Variants in CPNE7 observed in about 807,000 individuals in gnomAD.
The protein encoded by CPNE7 is copine 7.
CPNE7 carries 78 observed loss-of-function variants against 66.5 expected under a neutral mutation model. The observed-to-expected ratio is 1.17, with a 90% confidence interval of 0.98 to 1.42. The LOEUF (loss-of-function observed/expected upper bound fraction) is 1.42, where lower values mean the gene tolerates loss of function less well. Among genes scored for constraint, CPNE7 ranks in the 40% most tolerant of loss-of-function variants. The pLI is 0.00. For synonymous variants in CPNE7, 468 were observed against 336.7 expected (o/e 1.39, Z -4.27); for missense variants, 1,012 against 776.6 (o/e 1.30, Z -3.60).
chr16:89,595,213 G>A (rs557309357), intron 13 of CPNE7, among the ~76,000 whole-genome samples, 154 bp from the exon 14 acceptor site: 4 of 152,158 alleles, frequency 2.6e-5, no homozygotes, highest in Non-Finnish European at 5.9e-5. Flanking sequence ...ACTGTTGTTC[G>A]TGATGTTTGT....
At chr16:89,579,310 C>T (rs186462242) in intron 2 of CPNE7, among the ~76,000 whole-genome samples, 3 of 151,912 alleles carry the variant, frequency 2.0e-5, no homozygotes, top group East Asian at 1.9e-4. Flanking sequence ...AAAAATTTTA[C>T]GATAAAATGC....
chr16:89,595,670 C>T (rs1233984541), intron 14 of CPNE7, 67 bp downstream of exon 14: 4 of 1,368,746 alleles, frequency 2.9e-6, no homozygotes, highest in South Asian at 1.3e-5. Flanking sequence ...CTGCCCAAGA[C>T]CTTCCCAGGC....
At chr16:89,594,305 G>GGCC (rs2059218769) in intron 13 of CPNE7, 1 of 152,244 alleles carries the variant, frequency 6.6e-6, no homozygotes, top group Non-Finnish European at 1.5e-5. Flanking sequence ...GGTGCTTGTA[G>GGCC]GCCTGGACCA....
rs1196237524 is a variant in CPNE7 at position 89,584,615 on chromosome 16, G to C, written c.508-159G>C. On this transcript the variant is annotated intron_variant, in intron 4 of 14. Transcript: ENST00000319518. The surrounding 1 kb of genome is among the most constrained non-coding windows in gnomAD (Gnocchi z 6.0). Reference sequence around the variant, plus strand: ...GTCAGATCCCTGGGGGCGGGAGGGAGGGACGAGATGCTGTCGGCGGGGACT... The same window carrying C: ...GTCAGATCCCTGGGGGCGGGAGGGACGGACGAGATGCTGTCGGCGGGGACT... Among the ~76,000 whole-genome samples, 9 of 151,862 alleles carry C rather than the reference G, an allele frequency of 5.9e-5. No homozygotes were observed. The highest frequency in any genetic ancestry group is 2.1e-4 in the South Asian group (1 of 4,810).
Position 89,576,021 on chromosome 16 carries a change from T to A in CPNE7, c.124T>A (p.Ser42Thr). Residue 42 changes from serine to threonine, a missense_variant, in exon 1 of 15, where the codon TCC becomes ACC. Coordinates refer to ENST00000319518, the MANE Select transcript of CPNE7 (RefSeq NM_153636.3). Reference sequence around the variant, plus strand: ...GCTGGACCGCGACCCGCTCACCAAGTCCGACCCCAGCGTGGCGTTGCTGCA... The same window carrying A: ...GCTGGACCGCGACCCGCTCACCAAGACCGACCCCAGCGTGGCGTTGCTGCA... ...HLLDRDPLTK[S>T]DPSVALLQQA... is the part of the protein sequence containing the mutation. 7.4e-7 allele frequency: 1 copy of A among 1,355,264 alleles called. No homozygotes were observed. Among genetic ancestry groups the A allele is most frequent in the South Asian group, 1.7e-5 (1 of 57,650 alleles). The allele number at this position is 1,355,264 out of a possible 1,614,324, so 84.0% of individuals were successfully genotyped here.
chr16:89,594,956 C>T (rs1047480767), intron 13 of CPNE7, among the ~76,000 whole-genome samples: 3 of 152,114 alleles, frequency 2.0e-5, no homozygotes, highest in African/African-American at 7.2e-5. Context: ...CCGGCCAACA[C>T]TCAGTCTTGT....
rs1260030535 is a variant in CPNE7 at position 89,584,987 on chromosome 16, G to T, written c.591+130G>T. 7 of 829,212 alleles carry T rather than the reference G, an allele frequency of 8.4e-6. No homozygotes were observed. The highest frequency in any genetic ancestry group is 5.0e-5 in the African/African-American group (3 of 59,500). 51.4% of individuals were successfully genotyped at this position (829,212 alleles called of 1,614,324 possible). On this transcript the variant is annotated intron_variant, in intron 5 of 14. Coordinates refer to ENST00000319518, the MANE Select transcript of CPNE7 (RefSeq NM_153636.3). The surrounding 1 kb of genome is among the most constrained non-coding windows in gnomAD (Gnocchi z 6.0). ...TGGGCGCAGGGCTTTGGTGGCTGTGGCTATGGCCAGAATCCAACAGGGAGC... is the reference window on the plus strand; with the variant it reads ...TGGGCGCAGGGCTTTGGTGGCTGTGTCTATGGCCAGAATCCAACAGGGAGC...
rs760161077 is a variant in CPNE7, at chr16:89,583,750, C to A, written c.411C>A (p.Asn137Lys). 2 of 1,612,718 alleles carry A rather than the reference C, an allele frequency of 1.2e-6. No individual in the cohort carries two copies. The highest frequency in any genetic ancestry group is 1.1e-5 in the South Asian group (1 of 91,092). Reference protein sequence around the residue: ...TRPLLLKFGRNAGKSTITVIA... With the variant: ...TRPLLLKFGRKAGKSTITVIA... ...CGCTGCTGCTCAAGTTTGGCAGGAA[C>A]GCTGGCAAGTCCACCATCACGGTGA... The change falls in exon 3 of 15, where the codon AAC (asparagine) becomes AAA (lysine). Residue 137 changes from asparagine (N) to lysine (K), a missense_variant. Coordinates refer to ENST00000319518, the MANE Select transcript of CPNE7 (RefSeq NM_153636.3).
Position 89,584,881 on chromosome 16 carries a change from CAGGG to C in CPNE7, c.591+29_591+32del. On this transcript the variant is annotated intron_variant, in intron 5 of 14. Coordinates refer to ENST00000319518, the MANE Select transcript of CPNE7 (RefSeq NM_153636.3). This position sits in a 1 kb window ranked among gnomAD's most constrained non-coding sequence, Gnocchi z 6.0. ...AGGTGAGCGGCCGGGGATGGGAACACAGGGAGGGGAAGGGGCTGTCCCCAGCCCT... is the reference window on the plus strand; with the variant it reads ...AGGTGAGCGGCCGGGGATGGGAACACAGGGGAAGGGGCTGTCCCCAGCCCT... The C allele has an allele frequency of 6.2e-7, 1 of 1,602,354 alleles. No individual in the cohort carries two copies. Among genetic ancestry groups the C allele is most frequent in the East Asian group, 2.2e-5 (1 of 44,848 alleles).
At chr16:89,577,873 A>G in intron 2 of CPNE7, 152 bp downstream of exon 2, 1 of 644,594 alleles carries the variant, frequency 1.6e-6, no homozygotes, top group Non-Finnish European at 2.6e-6. Flanking sequence ...TCATTATTAG[A>G]TTAAAATATA....
intron 14 of CPNE7, chr16:89,596,022 C>T: frequency 4.2e-6 from 2 of 471,472 alleles, no homozygotes; most frequent in Non-Finnish European, 8.3e-6. Flanking sequence ...GCAAGACACA[C>T]ATGTCACACA....
At position 89,584,620 on chromosome 16, in the gene CPNE7, G is replaced by A. The variant is rs1014561057; in HGVS notation, c.508-154G>A. Reference sequence around the variant, plus strand: ...ATCCCTGGGGGCGGGAGGGAGGGACGAGATGCTGTCGGCGGGGACTGGCTG... The same window carrying A: ...ATCCCTGGGGGCGGGAGGGAGGGACAAGATGCTGTCGGCGGGGACTGGCTG... On this transcript the variant is annotated intron_variant, in intron 4 of 14. Coordinates refer to ENST00000319518, the MANE Select transcript of CPNE7 (RefSeq NM_153636.3). This position sits in a 1 kb window ranked among gnomAD's most constrained non-coding sequence, Gnocchi z 6.0. 4.0e-5 allele frequency among the ~76,000 whole-genome samples: 6 copies of A among 151,896 alleles called. No individual in the cohort carries two copies. Among genetic ancestry groups the A allele is most frequent in the South Asian group, 2.1e-4 (1 of 4,818 alleles).
rs1275237100 is a variant in CPNE7, at chr16:89,585,505, A to G, written c.633A>G (p.Lys211=). 1 of 1,612,210 alleles carries G rather than the reference A, an allele frequency of 6.2e-7. No individual in the cohort carries two copies. The highest frequency in any genetic ancestry group is 1.7e-5 in the Admixed American group (1 of 59,970). ...TGAACCCGGTGTGGGAGGCCTTCAA[A>G]GTCTCTCTGAGTTCCCTCTGCAGCT... is the stretch of plus-strand genomic sequence containing the variant. ...NNLNPVWEAF[K]VSLSSLCSCE... Residue 211 remains lysine (K), a synonymous_variant, in exon 6 of 15, where the codon AAA becomes AAG. Transcript: ENST00000319518.
At chr16:89,590,827 C>T (rs1422247762) in intron 11 of CPNE7, among the ~76,000 whole-genome samples, 180 bp from the exon 12 acceptor site, 4 of 30,672 alleles carry the variant, frequency 1.3e-4, no homozygotes, top group African/African-American at 5.6e-4. Flanking sequence ...GGGCCGGGGA[C>T]GGGGGGAGCA....
At position 89,587,011 on chromosome 16, in the gene CPNE7, C is replaced by T. The variant is rs4968052; in HGVS notation, c.868-32C>T. On this transcript the variant is annotated intron_variant, in intron 8 of 14. Coordinates refer to ENST00000319518, the MANE Select transcript of CPNE7 (RefSeq NM_153636.3). ...CTGGCACTGGCCTCAGTGTCCCTGG[C>T]GGGGGTGGACGCTGACTCCGCCGGC... is the stretch of plus-strand genomic sequence containing the variant. The T allele has an allele frequency of 6.3e-3, 9,923 of 1,564,084 alleles. 265 individuals are homozygous for T. The highest frequency in any genetic ancestry group is 0.062 in the Admixed American group (3,285 of 53,288).
chr16:89,587,636 G>A (rs1368141475), intron 9 of CPNE7: 8 of 448,014 alleles, frequency 1.8e-5, no homozygotes, highest in Non-Finnish European at 3.6e-5. Context: ...AAGGAGCCCG[G>A]CACAGACCCC....
chr16:89,596,758 C>T lies in CPNE7; in HGVS notation c.*137C>T. On this transcript the variant is annotated 3_prime_UTR_variant, in exon 15 of 15. Transcript: ENST00000319518. ...CCCACCAGGCCCCACTCCCAGTCCT[C>T]CTGGGATCCTGCTGGCTTGGGCCCG... 9.0e-7 allele frequency: 1 copy of T among 1,105,084 alleles called. No individual in the cohort carries two copies. 68.5% of individuals were successfully genotyped at this position (1,105,084 alleles called of 1,614,324 possible).
intron 13 of CPNE7, 115 bp downstream of exon 13, chr16:89,591,375 G>A (rs2059166728): frequency 2.2e-6 from 3 of 1,392,298 alleles, no homozygotes. Context: ...GAGGCCCCCA[G>A]GCAGGACAGA....
chr16:89,583,462 C>T, intron 2 of CPNE7: 1 of 1,550,744 alleles, frequency 6.4e-7, no homozygotes, highest in Non-Finnish European at 8.7e-7. Flanking sequence ...ACCTCTGCCT[C>T]CCCTGGGCGA....
Sources: gnomAD v4.1 joint callset for allele counts (sites outside exome capture counted in the v4.1 genomes callset) on GRCh38, gnomAD v4.1.1 for gene constraint, Gnocchi (gnomAD v3.1) non-coding constraint, MANE v1.5 for transcripts, NCBI Gene and HGNC (gene_info 2026-07-23, HGNC 2026-07-21) for gene names.